The following VWA3B variants were observed in gnomAD, a reference collection of about 807,000 sequenced individuals.
The protein encoded by VWA3B is von Willebrand factor A domain-containing protein 3B.
Under a neutral mutation model 158.3 loss-of-function variants are expected in VWA3B, and 138 were observed. The observed-to-expected ratio is 0.87, with a 90% confidence interval of 0.76 to 1.00. The LOEUF is 1.00. VWA3B is among the 50% of genes least tolerant of loss of function. VWA3B has a pLI of 0.00. For missense variants in VWA3B, 1,555 were observed against 1,565.1 expected (o/e 0.99, Z 0.11); for synonymous variants, 596 against 587.3 (o/e 1.01, Z -0.21).
At position 98,264,581 on chromosome 2, in the gene VWA3B, T is replaced by C. The variant is rs146202907; in HGVS notation, c.2844-6101T>C. Among the ~76,000 whole-genome samples, 1,230 of 152,256 alleles carry C rather than the reference T, an allele frequency of 8.1e-3. 20 individuals are homozygous for C. Among genetic ancestry groups the C allele is most frequent in the African/African-American group, 0.028 (1,153 of 41,540 alleles). On this transcript the variant is annotated intron_variant, in intron 21 of 27. Coordinates refer to ENST00000477737, the MANE Select transcript of VWA3B (RefSeq NM_144992.5). ...TTCATTTCATTTTGTTCAGAAAAAA[T>C]ACTTTGCTTTCAACTTTCTTTTTTT...
chr2:98,104,572 G>A (rs1683306577), intron 2 of VWA3B, among the ~76,000 whole-genome samples: 2 of 152,222 alleles, frequency 1.3e-5, no homozygotes, highest in Middle Eastern at 3.4e-3. Context: ...TCCAACATTG[G>A]GGATCAAATT....
rs1265435281 is a variant in VWA3B, at chr2:98,153,388, TAAA to T, written c.989-9460_989-9458del. 2.6e-5 allele frequency among the ~76,000 whole-genome samples: 4 copies of T among 152,324 alleles called. No homozygotes were observed. The East Asian group carries it at 7.7e-4, about 29-fold the overall frequency. The stretch of plus-strand genomic sequence containing the variant: ...CTTAAGTCCAAAAATATTGTAGCTG[TAAA>T]AATGTGGGTGATTCTACCTTCAGAA... On this transcript the variant is annotated intron_variant, in intron 7 of 27. Transcript: ENST00000477737.
intron 15 of VWA3B, chr2:98,228,825 T>C (rs1050527737): frequency 2.6e-5 from 4 of 152,190 alleles, no homozygotes; most frequent in Non-Finnish European, 4.4e-5. Context: ...TGTTTCTAAT[T>C]TGTGGTTTTT....
chr2:98,101,827 CTTTT>C (rs759407304), intron 2 of VWA3B, among the ~76,000 whole-genome samples: 1 of 130,694 alleles, frequency 7.7e-6, no homozygotes, highest in Non-Finnish European at 1.7e-5. Context: ...TCCCATCTTT[CTTTT>C]TTTTTTTTGC....
chr2:98,128,461 A>T, intron 6 of VWA3B, 53 bp downstream of exon 6: 6 of 1,586,572 alleles, frequency 3.8e-6, no homozygotes, highest in Non-Finnish European at 5.2e-6. Flanking sequence ...CTGCTCACAC[A>T]GGATCAACAG....
chr2:98,097,248 C>T (rs75806323), intron 2 of VWA3B, among the ~76,000 whole-genome samples: 12 of 152,196 alleles, frequency 7.9e-5, no homozygotes, highest in African/African-American at 1.9e-4. Flanking sequence ...TATTCCTCAC[C>T]GCATCCTCCC....
At chr2:98,131,674 T>G (rs888187432) in intron 6 of VWA3B, among the ~76,000 whole-genome samples, 2 of 152,148 alleles carry the variant, frequency 1.3e-5, no homozygotes, top group African/African-American at 4.8e-5. Context: ...TTCTTAAGTG[T>G]AGGTGCTCAT....
At chr2:98,193,526 T>C (rs1681770036) in intron 11 of VWA3B, among the ~76,000 whole-genome samples, 1 of 152,090 alleles carries the variant, frequency 6.6e-6, no homozygotes, top group Non-Finnish European at 1.5e-5. Flanking sequence ...CACAGTAATG[T>C]GAGTTTGTAG....
At chr2:98,281,496 A>G (rs1688873909) in intron 22 of VWA3B, among the ~76,000 whole-genome samples, 1 of 152,208 alleles carries the variant, frequency 6.6e-6, no homozygotes, top group Admixed American at 6.5e-5. Flanking sequence ...TAGGGCAGGA[A>G]AAGTATTTAG....
rs1270828125 is a variant in VWA3B at position 98,260,024 on chromosome 2, A to AT, written c.2843+3854dup. On this transcript the variant is annotated intron_variant, in intron 21 of 27. Coordinates refer to ENST00000477737, the MANE Select transcript of VWA3B (RefSeq NM_144992.5). ...TGAATGTGGTATTTAATTTCTATGC[A>AT]TTTTCCATTTTTCCAGTTTTCCCTT... is the stretch of plus-strand genomic sequence containing the variant. 3.4e-4 allele frequency among the ~76,000 whole-genome samples: 52 copies of AT among 151,400 alleles called. 2 individuals carry two copies. The highest frequency in any genetic ancestry group is 1.2e-3 in the African/African-American group (49 of 41,332).
intron 8 of VWA3B, among the ~76,000 whole-genome samples, chr2:98,166,208 A>G (rs1417951102): frequency 6.6e-6 from 1 of 152,122 alleles, no homozygotes; most frequent in Non-Finnish European, 1.5e-5. Flanking sequence ...GTGGTGGCGC[A>G]TGCCTTTAAT....
At chr2:98,115,924 G>T (rs1164278111) in intron 3 of VWA3B, among the ~76,000 whole-genome samples, 178 bp downstream of exon 3, 1 of 152,164 alleles carries the variant, frequency 6.6e-6, no homozygotes, top group Non-Finnish European at 1.5e-5. Context: ...GCCAAGGAAG[G>T]AAGTTTTTGA....
intron 26 of VWA3B, among the ~76,000 whole-genome samples, chr2:98,304,356 G>A (rs947239952): frequency 2.0e-5 from 3 of 152,278 alleles, no homozygotes; most frequent in Middle Eastern, 3.4e-3. Context: ...TGGGGCCAAC[G>A]AGGGGCATCA....
chr2:98,219,158 A>G (rs1417463700), intron 14 of VWA3B, among the ~76,000 whole-genome samples: 1 of 152,246 alleles, frequency 6.6e-6, no homozygotes, highest in Non-Finnish European at 1.5e-5. Flanking sequence ...AAAAAGTAGG[A>G]AAATACAGAC....
intron 10 of VWA3B, 110 bp downstream of exon 10, chr2:98,188,239 C>A: frequency 7.2e-7 from 1 of 1,388,026 alleles, no homozygotes; most frequent in Non-Finnish European, 9.8e-7. Flanking sequence ...ATGATTGTAC[C>A]TATTTATGTG....
Position 98,311,953 on chromosome 2 carries a change from C to G in VWA3B, c.3656C>G (p.Ala1219Gly). ...KRPAKQPLQQ[A>G]APSDSDGSSH... ...CCCGCCAAGCAGCCACTCCAGCAGGCGGCGCCCTCGGACTCGGACGGCTCC... is the reference window on the plus strand; with the variant it reads ...CCCGCCAAGCAGCCACTCCAGCAGGGGGCGCCCTCGGACTCGGACGGCTCC... The change falls in exon 27 of 28, where the codon GCG becomes GGG. Residue 1219 changes from alanine (A) to glycine (G), a missense_variant. By Grantham distance (60) the Ala-to-Gly change is moderately conservative. Transcript: ENST00000477737. The G allele has an allele frequency of 6.2e-7, 1 of 1,606,356 alleles. No individual in the cohort carries two copies.
intron 19 of VWA3B, among the ~76,000 whole-genome samples, chr2:98,240,093 A>G (rs575065019): frequency 1.1e-4 from 16 of 152,262 alleles, no homozygotes; most frequent in Non-Finnish European, 2.1e-4. Context: ...TTCTCTCACC[A>G]CTACGCCTAT....
chr2:98,189,217 C>T (rs1681375229), intron 10 of VWA3B, among the ~76,000 whole-genome samples: 1 of 152,112 alleles, frequency 6.6e-6, no homozygotes, highest in South Asian at 2.1e-4. Context: ...ACCAGCCTGG[C>T]CAACATAGTG....
intron 7 of VWA3B, among the ~76,000 whole-genome samples, chr2:98,161,958 C>T (rs184475748): frequency 5.3e-5 from 8 of 152,314 alleles, no homozygotes; most frequent in East Asian, 3.9e-4. Flanking sequence ...CTGCCCGCCT[C>T]GGCCTCCCAA....
Sources: gnomAD v4.1 joint callset for allele counts (sites outside exome capture counted in the v4.1 genomes callset) on GRCh38, gnomAD v4.1.1 for gene constraint, MANE v1.5 for transcripts, NCBI Gene and HGNC (gene_info 2026-07-23, HGNC 2026-07-21) for gene names.